MECOM: variants seen among roughly 807,000 people sequenced by gnomAD.
MECOM encodes histone-lysine N-methyltransferase MECOM.
In MECOM, 13 loss-of-function variants were observed where a neutral mutation model predicts 116.3. The ratio of observed to expected loss-of-function variants is 0.11; its 90% confidence interval spans 0.07 to 0.18. The LOEUF is 0.18. MECOM is among the 10% of genes least tolerant of loss of function. MECOM has a pLI of 1.00. For missense variants in MECOM, 1,299 were observed against 1,509.0 expected, an observed-to-expected ratio of 0.86 and a Z score of 2.31; for synonymous variants, 528 against 535.2, an observed-to-expected ratio of 0.99 and a Z score of 0.19.
Position 169,179,862 on chromosome 3 carries a change from A to G in MECOM, c.376-36030T>C, listed in dbSNP as rs115298126. 5.4e-3 allele frequency among the ~76,000 whole-genome samples: 815 copies of G among 152,254 alleles called. 4 individuals carry two copies. The highest frequency in any genetic ancestry group is 0.021 in the South Asian group (101 of 4,820). On this transcript the variant is annotated intron_variant, in intron 2 of 16. Transcript: ENST00000651503. ...TTAAGCTGTCAACTAAGCAGTCATA[A>G]GCTCACATTGATAGTATGTTATCTG...
intron 3 of MECOM, among the ~76,000 whole-genome samples, chr3:169,140,802 G>A (rs144654506): frequency 1.8e-3 from 162 of 90,528 alleles, no homozygotes; most frequent in African/African-American, 6.5e-3. Flanking sequence ...TGGTAACTGG[G>A]TTGCTTTCAT....
At chr3:169,102,250 A>G (rs754557858) in intron 10 of MECOM, 24 bp from the exon 11 acceptor site, 4 of 1,590,282 alleles carry the variant, frequency 2.5e-6, no homozygotes, top group African/African-American at 1.3e-5. Context: ...GCACAAGACC[A>G]TGAAGCGTTT....
At chr3:169,263,128 T>G (rs1757800379) in intron 2 of MECOM, among the ~76,000 whole-genome samples, 2 of 64,068 alleles carry the variant, frequency 3.1e-5, no homozygotes, top group African/African-American at 9.5e-5. Flanking sequence ...TATATATATA[T>G]GTTTTTTTTT....
At chr3:169,536,810 A>T (rs1285602840) in intron 1 of MECOM, among the ~76,000 whole-genome samples, 3 of 152,134 alleles carry the variant, frequency 2.0e-5, no homozygotes, top group African/African-American at 4.8e-5. Context: ...AGCAGCAGGC[A>T]CAAATTTGAG....
intron 2 of MECOM, among the ~76,000 whole-genome samples, chr3:169,293,369 G>A (rs1294901639): frequency 6.6e-6 from 1 of 152,140 alleles, no homozygotes; most frequent in African/African-American, 2.4e-5. Context: ...TGACCTCACT[G>A]CTCCTCTCTC....
At chr3:169,285,192 TG>T (rs1713023868) in intron 2 of MECOM, among the ~76,000 whole-genome samples, 1 of 152,196 alleles carries the variant, frequency 6.6e-6, no homozygotes, top group Non-Finnish European at 1.5e-5. Flanking sequence ...GAAAAGTGTT[TG>T]TAGAGCCGTG....
intron 13 of MECOM, among the ~76,000 whole-genome samples, chr3:169,094,175 A>C (rs911558318): frequency 5.9e-5 from 9 of 152,178 alleles, no homozygotes; most frequent in African/African-American, 2.2e-4. Context: ...GATCATAAAT[A>C]ATGTGCCTTT....
intron 1 of MECOM, among the ~76,000 whole-genome samples, chr3:169,639,547 T>A (rs2110020050): frequency 6.6e-6 from 1 of 152,314 alleles, no homozygotes; most frequent in East Asian, 1.9e-4. Context: ...GGGCATGTAA[T>A]CTATTAGATT....
intron 1 of MECOM, among the ~76,000 whole-genome samples, chr3:169,415,644 T>C (rs1017753590): frequency 6.6e-6 from 1 of 151,872 alleles, no homozygotes; most frequent in Non-Finnish European, 1.5e-5. Flanking sequence ...CCATCTCATA[T>C]GCAAAGACAC....
At chr3:169,283,077 G>A (rs1057003621) in intron 2 of MECOM, among the ~76,000 whole-genome samples, 1 of 152,138 alleles carries the variant, frequency 6.6e-6, no homozygotes, top group Non-Finnish European at 1.5e-5. Context: ...CAGGATCAGA[G>A]ATTCAACCTA....
chr3:169,402,078 G>A (rs766219299), intron 1 of MECOM, among the ~76,000 whole-genome samples: 1 of 152,190 alleles, frequency 6.6e-6, no homozygotes, highest in Non-Finnish European at 1.5e-5. Context: ...TAAAAAAGGG[G>A]CTGTGATGCT....
chr3:169,485,192 G>A (rs544258914), intron 1 of MECOM, among the ~76,000 whole-genome samples: 1 of 152,014 alleles, frequency 6.6e-6, no homozygotes, highest in South Asian at 2.1e-4. Context: ...ACGGGGTTTC[G>A]CTATGTTGGC....
rs150106266 is a variant in MECOM, at chr3:169,142,468, G to A, written c.510+1230C>T. The stretch of plus-strand genomic sequence containing the variant: ...TCAAAAAATATCTGTTGTTGATGGC[G>A]ACAGTAACTCATATGATAGACGGAA... On this transcript the variant is annotated intron_variant, in intron 3 of 16. Transcript: ENST00000651503. Among the ~76,000 whole-genome samples, 72 of 151,948 alleles carry A rather than the reference G, an allele frequency of 4.7e-4. No homozygotes were observed. In the East Asian group the frequency reaches 0.013, roughly 28 times the overall value.
At chr3:169,273,909 CTTT>C (rs545229387) in intron 2 of MECOM, among the ~76,000 whole-genome samples, 3 of 117,082 alleles carry the variant, frequency 2.6e-5, no homozygotes, top group Non-Finnish European at 3.5e-5. Context: ...CTCTCCAAAG[CTTT>C]TTTTTTTTTT....
At chr3:169,169,709 T>C (rs750421621) in intron 2 of MECOM, among the ~76,000 whole-genome samples, 2 of 152,320 alleles carry the variant, frequency 1.3e-5, no homozygotes, top group Admixed American at 6.5e-5. Context: ...AAGTAACCTT[T>C]AGTTTCCCTG....
chr3:169,614,762 G>C (rs920886031), intron 1 of MECOM: 4 of 151,724 alleles, frequency 2.6e-5, no homozygotes. Flanking sequence ...TCAAACTCCT[G>C]GCCTCCTCCT....
intron 3 of MECOM, chr3:169,133,349 C>T (rs1363126203): frequency 6.6e-6 from 1 of 152,064 alleles, no homozygotes; most frequent in Non-Finnish European, 1.5e-5. Flanking sequence ...TTTGTACGTG[C>T]CTCTTTATTC....
chr3:169,452,547 C>T (rs979045124), intron 1 of MECOM, among the ~76,000 whole-genome samples: 2 of 152,124 alleles, frequency 1.3e-5, no homozygotes, highest in Admixed American at 6.5e-5. Flanking sequence ...GCATCTACCA[C>T]GTAAAGGAAC....
At chr3:169,282,423 G>C (rs1341192529) in intron 2 of MECOM, among the ~76,000 whole-genome samples, 1 of 152,152 alleles carries the variant, frequency 6.6e-6, no homozygotes, top group Non-Finnish European at 1.5e-5. Context: ...CCCAAATCTA[G>C]GGAGAAGATA....
Sources: allele counts gnomAD v4.1 joint callset (sites outside exome capture counted in the v4.1 genomes callset), GRCh38; gene constraint gnomAD v4.1.1; transcripts MANE v1.5; gene names NCBI Gene and HGNC (gene_info 2026-07-23, HGNC 2026-07-21).